Variants in ARPP21 observed in about 807,000 individuals in gnomAD.
ARPP21 encodes cAMP regulated phosphoprotein 21, also known as cAMP-regulated phosphoprotein 21.
ARPP21 carries 69 observed loss-of-function variants against 113.2 expected under a neutral mutation model. The ratio of observed to expected loss-of-function variants is 0.61; its 90% CI spans 0.50 to 0.74. The LOEUF (loss-of-function observed/expected upper bound fraction) is 0.74. Ranked by LOEUF, ARPP21 falls within the 30% of genes least tolerant of loss-of-function variation. ARPP21 has a pLI of 0.00. For missense variants in ARPP21, 1,070 were observed against 1,037.4 expected, an observed-to-expected ratio of 1.03 and a Z score of -0.43; for synonymous variants, 368 against 375.5, an observed-to-expected ratio of 0.98 and a Z score of 0.23.
intron 12 of ARPP21, 178 bp downstream of exon 12, chr3:35,715,654 T>A (rs2092284206): frequency 2.3e-6 from 1 of 439,852 alleles, no homozygotes; most frequent in African/African-American, 2.0e-5. Flanking sequence ...TGATCTAATT[T>A]GGAAAAAAAA....
At chr3:35,711,113 G>A (rs1027062305) in intron 11 of ARPP21, among the ~76,000 whole-genome samples, 1 of 152,138 alleles carries the variant, frequency 6.6e-6, no homozygotes, top group Non-Finnish European at 1.5e-5. Flanking sequence ...AGAGGTGTGA[G>A]CCCCTTTGGT....
intron 17 of ARPP21, among the ~76,000 whole-genome samples, chr3:35,738,868 C>T (rs1476353848): frequency 6.6e-6 from 1 of 152,198 alleles, no homozygotes; most frequent in South Asian, 2.1e-4. Flanking sequence ...GTTGGTGATA[C>T]TGGTCCTGGC....
chr3:35,686,126 C>T (rs1416906777), intron 5 of ARPP21, among the ~76,000 whole-genome samples: 1 of 151,574 alleles, frequency 6.6e-6, no homozygotes, highest in African/African-American at 2.4e-5. Flanking sequence ...ATGAGATGAC[C>T]TTCGTGGCCT....
rs142326525 is a variant in ARPP21 at position 35,655,547 on chromosome 3, G to T, written c.-213+15149G>T. ...TTATTGTTTCAAATGAGGACTCAGG[G>T]GTTTCTGTACACTTTAGATTTTGAT... On this transcript the variant is annotated intron_variant, in intron 1 of 20. Transcript: ENST00000684406. Among the ~76,000 whole-genome samples, 37 of 151,962 alleles carry T rather than the reference G, an allele frequency of 2.4e-4. 1 individual carries two copies. The East Asian group carries it at 7.2e-3, about 30-fold the overall frequency.
At chr3:35,660,260 A>G (rs560158230) in intron 1 of ARPP21, among the ~76,000 whole-genome samples, 35 of 152,242 alleles carry the variant, frequency 2.3e-4, no homozygotes, top group Admixed American at 5.2e-4. Context: ...GGGCTGGTCT[A>G]TTCCCAATTC....
At chr3:35,721,892 A>G in intron 14 of ARPP21, 58 bp downstream of exon 14, 2 of 1,112,174 alleles carry the variant, frequency 1.8e-6, no homozygotes, top group Non-Finnish European at 2.6e-6. Flanking sequence ...TACCCAAGCC[A>G]TATGGTCACC....
intron 19 of ARPP21, among the ~76,000 whole-genome samples, chr3:35,768,233 C>G (rs1207370272): frequency 3.3e-5 from 5 of 151,844 alleles, no homozygotes; most frequent in Admixed American, 1.3e-4. Context: ...CTTTCCCCTT[C>G]CCATTTCCTC....
intron 1 of ARPP21, among the ~76,000 whole-genome samples, chr3:35,640,654 G>T (rs1212041138): frequency 2.0e-5 from 3 of 152,184 alleles, no homozygotes; most frequent in African/African-American, 7.2e-5. Flanking sequence ...TTTCATCAGA[G>T]AAGTCTACAG....
At chr3:35,753,168 AGTT>A (rs1207018430) in intron 19 of ARPP21, among the ~76,000 whole-genome samples, 3 of 151,746 alleles carry the variant, frequency 2.0e-5, no homozygotes, top group Non-Finnish European at 4.4e-5. Context: ...CTTCAGGTAA[AGTT>A]GTTGTGTGAA....
At position 35,690,926 on chromosome 3, in the gene ARPP21, G is replaced by A. The variant is rs756982738; in HGVS notation, c.607G>A (p.Ala203Thr). The A allele has an allele frequency of 6.2e-7, 1 of 1,610,736 alleles. No homozygotes were observed. Among genetic ancestry groups the A allele is most frequent in the African/African-American group, 1.3e-5 (1 of 74,696 alleles). Residue 203 changes from alanine (A) to threonine (T), a missense_variant, in exon 9 of 21, where the codon GCA (alanine) becomes ACA (threonine). Physicochemically the swap from Ala to Thr is moderately conservative, Grantham distance 58. Coordinates refer to ENST00000684406, the MANE Select transcript of ARPP21 (RefSeq NM_001385562.1). ...SYQRMLVHRVAAYFGLDHNVD... is the reference protein window; with the variant it reads ...SYQRMLVHRVTAYFGLDHNVD... ...TCAGAGGATGCTTGTCCATCGAGTGGCAGCTTATTTTGGATTGGATCACAA... is the reference window on the plus strand; with the variant it reads ...TCAGAGGATGCTTGTCCATCGAGTGACAGCTTATTTTGGATTGGATCACAA...
intron 1 of ARPP21, among the ~76,000 whole-genome samples, chr3:35,654,395 A>G (rs1366850968): frequency 6.6e-6 from 1 of 152,054 alleles, no homozygotes; most frequent in Non-Finnish European, 1.5e-5. Context: ...AAGGCACTAC[A>G]TTATTTATTT....
At position 35,792,420 on chromosome 3, in the gene ARPP21, G is replaced by C. The variant is rs2096765267; in HGVS notation, c.2176G>C (p.Gly726Arg). 1 of 1,613,890 alleles carries C rather than the reference G, an allele frequency of 6.2e-7. No homozygotes were observed. The highest frequency in any genetic ancestry group is 8.5e-7 in the Non-Finnish European group (1 of 1,179,888). ...CTTGTCTGGTCAACAGGGATTCCAA[G>C]GCCTAATAGGAGTGCAGCAGCCACC... ...PVLSGQQGFQGLIGVQQPPQS... is the reference protein window; with the variant it reads ...PVLSGQQGFQRLIGVQQPPQS... Residue 726 changes from glycine (G) to arginine (R), a missense_variant, in exon 20 of 21, where the codon GGC becomes CGC. By Grantham distance (125) the Gly-to-Arg change is moderately radical (BLOSUM62 -2). Transcript: ENST00000684406.
At chr3:35,669,654 C>T (rs1361838313) in intron 1 of ARPP21, among the ~76,000 whole-genome samples, 1 of 152,166 alleles carries the variant, frequency 6.6e-6, no homozygotes, top group African/African-American at 2.4e-5. Flanking sequence ...CAAGGTTACA[C>T]ATTACAGACA....
chr3:35,666,676 T>A (rs2149239473), intron 1 of ARPP21, among the ~76,000 whole-genome samples: 1 of 152,288 alleles, frequency 6.6e-6, no homozygotes, highest in South Asian at 2.1e-4. Flanking sequence ...TATTAACAAT[T>A]TTTCCATTAT....
intron 15 of ARPP21, among the ~76,000 whole-genome samples, chr3:35,732,351 T>A (rs2094042967): frequency 6.6e-6 from 1 of 152,214 alleles, no homozygotes; most frequent in African/African-American, 2.4e-5. Flanking sequence ...CCATAACTTT[T>A]AATTTTGTCT....
chr3:35,738,914 A>T (rs2094508825), intron 17 of ARPP21, among the ~76,000 whole-genome samples: 1 of 152,158 alleles, frequency 6.6e-6, no homozygotes, highest in Non-Finnish European at 1.5e-5. Context: ...TGATGAGTAT[A>T]GTTGGTTCTG....
rs1347028642 is a variant in ARPP21 at position 35,768,106 on chromosome 3, G to A, written c.2137+24141G>A. On this transcript the variant is annotated intron_variant, in intron 19 of 20. Transcript: ENST00000684406. ...TGTGTGTGTGTGTGTGTGTGTGTGT[G>A]TGTGTGTGTGTGTGTGTGTGTGTGT... is the stretch of plus-strand genomic sequence containing the variant. Among the ~76,000 whole-genome samples the A allele has an allele frequency of 4.2e-5, 6 of 141,454 alleles. No individual in the cohort carries two copies. In the East Asian group the frequency reaches 9.9e-4, roughly 23 times the overall value. The allele number at this position is 141,454 out of a possible 152,430, so 92.8% of individuals were successfully genotyped here. A position where few individuals can be genotyped will look rare whatever the true frequency, so the allele number is the denominator to read the frequency against.
At chr3:35,782,627 C>G (rs2096549104) in intron 19 of ARPP21, among the ~76,000 whole-genome samples, 1 of 151,458 alleles carries the variant, frequency 6.6e-6, no homozygotes. Flanking sequence ...CTCTGTCACC[C>G]AAATCCCAGC....
rs369367281 is a variant in ARPP21 at position 35,684,094 on chromosome 3, T to C, written c.261+279T>C. ...AAAGTTAAATAAAAAGTAGGCACAG[T>C]AGTGCTGAATTTTCCTCAAAGGCTC... On this transcript the variant is annotated intron_variant, in intron 5 of 20. Transcript: ENST00000684406. 2.6e-6 allele frequency: 4 copies of C among 1,547,060 alleles called. No individual in the cohort carries two copies. The South Asian group carries it at 4.9e-5, about 19-fold the overall frequency.
Sources: allele counts gnomAD v4.1 joint callset (sites outside exome capture counted in the v4.1 genomes callset), GRCh38; gene constraint gnomAD v4.1.1; transcripts MANE v1.5; gene names NCBI Gene and HGNC (gene_info 2026-07-23, HGNC 2026-07-21).